Variants in PROSER2 observed in about 807,000 individuals in gnomAD.
The protein encoded by PROSER2 is proline and serine rich 2.
PROSER2 carries 18 observed loss-of-function variants against 14.6 expected under a neutral mutation model. That is an observed-to-expected ratio of 1.23 (90% CI 0.85 to 1.83). The LOEUF (loss-of-function observed/expected upper bound fraction) is 1.83. PROSER2 is among the 40% of genes most tolerant of loss of function. PROSER2 has a pLI of 0.00. For synonymous variants in PROSER2, 367 were observed against 286.4 expected, an observed-to-expected ratio of 1.28 and a Z score of -2.84; for missense variants, 823 against 629.8, an observed-to-expected ratio of 1.31 and a Z score of -3.28.
chr10:11,836,962 C>G lies in PROSER2; in HGVS notation c.-82+13492C>G, dbSNP rs1833770297. ...TTCTGAGTAGTGGGATGAAATGCGTCGTTCTGATCCATTGCCTCCTGCATG... is the reference window on the plus strand; with the variant it reads ...TTCTGAGTAGTGGGATGAAATGCGTGGTTCTGATCCATTGCCTCCTGCATG... On this transcript the variant is annotated intron_variant, in intron 1 of 3. Transcript: ENST00000277570. The surrounding 1 kb of genome is among the most constrained non-coding windows in gnomAD (Gnocchi z 4.6). Among the ~76,000 whole-genome samples, 1 of 152,190 alleles carries G rather than the reference C, an allele frequency of 6.6e-6. No individual in the cohort carries two copies.
chr10:11,827,194 CAAAAAAA>C (rs149113428), intron 1 of PROSER2, among the ~76,000 whole-genome samples: 1 of 98,380 alleles, frequency 1.0e-5, no homozygotes, highest in African/African-American at 3.9e-5. Context: ...CCTTCCTTTA[CAAAAAAA>C]AAAAAAAAAT....
intron 2 of PROSER2, among the ~76,000 whole-genome samples, chr10:11,859,733 T>A (rs1393463762): frequency 6.6e-6 from 1 of 152,214 alleles, no homozygotes; most frequent in African/African-American, 2.4e-5. Context: ...ATAACAGCTT[T>A]ATCGGGATAC....
chr10:11,831,109 C>T (rs981624801), intron 1 of PROSER2, among the ~76,000 whole-genome samples: 4 of 152,178 alleles, frequency 2.6e-5, no homozygotes, highest in South Asian at 2.1e-4. Context: ...AATCAGACCA[C>T]GGCTGCCAGT....
intron 1 of PROSER2, among the ~76,000 whole-genome samples, chr10:11,828,810 C>T (rs569151333): frequency 5.3e-5 from 8 of 152,160 alleles, no homozygotes; most frequent in Non-Finnish European, 7.3e-5. Context: ...GCAGTGTGGG[C>T]CCTGCTCCCA....
intron 1 of PROSER2, among the ~76,000 whole-genome samples, chr10:11,826,147 C>T (rs897088164): frequency 1.3e-5 from 2 of 152,132 alleles, no homozygotes; most frequent in Non-Finnish European, 2.9e-5. Context: ...TTGTGTCTGG[C>T]GTCTTTGACT....
chr10:11,864,680 C>G (rs1365165852), intron 2 of PROSER2, among the ~76,000 whole-genome samples: 4 of 151,698 alleles, frequency 2.6e-5, no homozygotes. Context: ...CCTCTGCCTC[C>G]CAGGTTCAAG....
rs1173031396 is a variant in PROSER2, at chr10:11,823,960, C to T, written c.-82+490C>T. On this transcript the variant is annotated intron_variant, in intron 1 of 3. Transcript: ENST00000277570. This position sits in a 1 kb window ranked among gnomAD's most constrained non-coding sequence, Gnocchi z 6.2. ...GGTCCTGGAATCACGCGGGGATGTG[C>T]AGGGTCTGCCCAGCCCAGCGCGGCG... Among the ~76,000 whole-genome samples, 2 of 151,986 alleles carry T rather than the reference C, an allele frequency of 1.3e-5. No individual in the cohort carries two copies. Among genetic ancestry groups the T allele is most frequent in the South Asian group, 2.1e-4 (1 of 4,820 alleles).
chr10:11,870,520 G>C lies in PROSER2; in HGVS notation c.*114G>C. On this transcript the variant is annotated 3_prime_UTR_variant, in exon 4 of 4. Coordinates refer to ENST00000277570, the MANE Select transcript of PROSER2 (RefSeq NM_153256.4). ...AATGGAAGTGACAGCGGGAGCCCCT[G>C]CCCTCTGTGGCACATCGGAGTCTAG... 1.1e-6 allele frequency: 1 copy of C among 908,340 alleles called. No individual in the cohort carries two copies. Among genetic ancestry groups the C allele is most frequent in the Non-Finnish European group, 1.6e-6 (1 of 644,238 alleles). 56.3% of individuals were successfully genotyped at this position (908,340 alleles called of 1,614,324 possible). A position where few individuals can be genotyped will look rare whatever the true frequency, so the allele number is the denominator to read the frequency against.
intron 2 of PROSER2, among the ~76,000 whole-genome samples, chr10:11,855,397 C>A (rs1834105410): frequency 1.3e-5 from 2 of 150,542 alleles, no homozygotes; most frequent in Admixed American, 6.6e-5. Flanking sequence ...TGGTGTGAAC[C>A]CGGGAGGCGG....
At chr10:11,845,232 G>A (rs1361449091) in intron 1 of PROSER2, among the ~76,000 whole-genome samples, 1 of 152,146 alleles carries the variant, frequency 6.6e-6, no homozygotes, top group Non-Finnish European at 1.5e-5. Context: ...CATTTTGATA[G>A]ATACTATGCG....
intron 1 of PROSER2, among the ~76,000 whole-genome samples, chr10:11,835,417 A>T (rs1833746791): frequency 6.6e-6 from 1 of 152,210 alleles, no homozygotes; most frequent in South Asian, 2.1e-4. Flanking sequence ...TCCTATTTTT[A>T]CGAAAGTAGT....
Position 11,856,418 on chromosome 10 carries a change from T to G in PROSER2, c.138+4203T>G, listed in dbSNP as rs991321071. Among the ~76,000 whole-genome samples, 2 of 152,196 alleles carry G rather than the reference T, an allele frequency of 1.3e-5. No individual in the cohort carries two copies. The highest frequency in any genetic ancestry group is 6.5e-5 in the Admixed American group (1 of 15,288). ...GTCTGCCTTCACACATCCCGAAGCT[T>G]CCTCTAGAAGAAATAGGATTTGGCT... On this transcript the variant is annotated intron_variant, in intron 2 of 3. Transcript: ENST00000277570. This position sits in a 1 kb window ranked among gnomAD's most constrained non-coding sequence, Gnocchi z 5.3.
chr10:11,848,731 C>A (rs1833964768), intron 1 of PROSER2, among the ~76,000 whole-genome samples: 1 of 152,234 alleles, frequency 6.6e-6, no homozygotes, highest in African/African-American at 2.4e-5. Context: ...CTCTCTCTAC[C>A]TGTTTTGCAA....
At chr10:11,827,628 C>T (rs12267170) in intron 1 of PROSER2, among the ~76,000 whole-genome samples, 154 of 151,270 alleles carry the variant, frequency 1.0e-3, no homozygotes, top group African/African-American at 3.7e-3. Context: ...GGATTGACCA[C>T]GTACAATGTG....
intron 2 of PROSER2, among the ~76,000 whole-genome samples, chr10:11,853,665 G>A (rs901965725): frequency 2.0e-5 from 3 of 152,136 alleles, no homozygotes; most frequent in Non-Finnish European, 4.4e-5. Flanking sequence ...CAGGTGGGGC[G>A]CCATTCCCCT....
At chr10:11,857,153 G>GGAC (rs1294040213) in intron 2 of PROSER2, 1 of 152,026 alleles carries the variant, frequency 6.6e-6, no homozygotes. Context: ...CAGCCATGGA[G>GGAC]GACCCAAGCT....
intron 2 of PROSER2, among the ~76,000 whole-genome samples, chr10:11,853,576 G>C (rs1169970016): frequency 6.6e-6 from 1 of 152,096 alleles, no homozygotes; most frequent in African/African-American, 2.4e-5. Context: ...GACAGAACGA[G>C]ACTCCATCTC....
At chr10:11,855,456 A>G (rs1433451508) in intron 2 of PROSER2, among the ~76,000 whole-genome samples, 1 of 147,684 alleles carries the variant, frequency 6.8e-6, no homozygotes, top group African/African-American at 2.5e-5. Flanking sequence ...CCTGGGCGAC[A>G]GAGCAAGACT....
At chr10:11,846,309 C>T (rs994815866) in intron 1 of PROSER2, among the ~76,000 whole-genome samples, 6 of 152,108 alleles carry the variant, frequency 3.9e-5, no homozygotes, top group African/African-American at 1.4e-4. Flanking sequence ...TCTGCCACAT[C>T]AGCTCTCCTC....
Sources: allele counts gnomAD v4.1 joint callset (sites outside exome capture counted in the v4.1 genomes callset), GRCh38; gene constraint gnomAD v4.1.1; non-coding constraint Gnocchi (gnomAD v3.1); transcripts MANE v1.5; gene names NCBI Gene and HGNC (gene_info 2026-07-23, HGNC 2026-07-21).